The following ADRA1B variants were observed in gnomAD, a reference collection of about 807,000 sequenced individuals.
ADRA1B encodes alpha-1B adrenergic receptor.
In ADRA1B, 17 loss-of-function variants were observed where a neutral mutation model predicts 17.9. The observed-to-expected ratio is 0.95, with a 90% confidence interval of 0.65 to 1.42. ADRA1B has a LOEUF of 1.42. Ranked by LOEUF, ADRA1B falls within the 40% of genes most tolerant of loss-of-function variation. The pLI, the probability that ADRA1B is intolerant of heterozygous loss-of-function variation, is 0.00. For missense variants in ADRA1B, 681 were observed against 722.1 expected (o/e 0.94, Z 0.65); for synonymous variants, 366 against 327.6 (o/e 1.12, Z -1.27).
chr5:159,976,807 T>C (rs1360712229), downstream of ADRA1B, among the ~76,000 whole-genome samples: 1 of 152,100 alleles, frequency 6.6e-6, no homozygotes, highest in Non-Finnish European at 1.5e-5. Context: ...TGTGTTAGGA[T>C]TAGCACATCC....
upstream of ADRA1B, among the ~76,000 whole-genome samples, chr5:159,914,067 C>T (rs765674343): frequency 1.2e-4 from 19 of 152,170 alleles, no homozygotes; most frequent in Non-Finnish European, 2.1e-4. Flanking sequence ...CTCACCCCTA[C>T]CCTGGAAGAT....
chr5:159,865,701 G>A lies in ADRA1B; in HGVS notation c.-256+495G>A, dbSNP rs576475013. Among the ~76,000 whole-genome samples, 9 of 152,232 alleles carry A rather than the reference G, an allele frequency of 5.9e-5. No individual in the cohort carries two copies. In the South Asian group the frequency reaches 1.9e-3, roughly 32 times the overall value. On this transcript the variant is annotated intron_variant, in intron 1 of 2. Transcript: ENST00000641205. ...GAAGAAATCCAGAAAGCCCCATTTTGTTCAAAAAATCCCTTTTACGACATG... is the reference window on the plus strand; with the variant it reads ...GAAGAAATCCAGAAAGCCCCATTTTATTCAAAAAATCCCTTTTACGACATG...
rs773214077 is a variant in ADRA1B, at chr5:159,937,638, C to CG, written c.949+19788dup. On this transcript the variant is annotated intron_variant, in intron 1 of 1. Transcript: ENST00000306675. The stretch of plus-strand genomic sequence containing the variant: ...CTAATTTTTTGCATTTTAGTAGAGA[C>CG]GGGGTCTCACCGTGTTGGCCAAGCT... The CG allele has an allele frequency of 3.9e-4, 60 of 152,154 alleles. 2 individuals are homozygous for CG. The highest frequency in any genetic ancestry group is 1.3e-3 in the African/African-American group (52 of 41,504). The allele number at this position is 152,154 out of a possible 1,614,324, so 9.4% of individuals were successfully genotyped here.
intron 1 of ADRA1B, among the ~76,000 whole-genome samples, chr5:159,890,705 C>A (rs1421076896): frequency 6.6e-6 from 1 of 152,214 alleles, no homozygotes; most frequent in Non-Finnish European, 1.5e-5. Context: ...CAGACAGAAG[C>A]TGTATTGCCT....
intron 1 of ADRA1B, among the ~76,000 whole-genome samples, chr5:159,949,996 A>G (rs760494834): frequency 1.1e-4 from 17 of 152,276 alleles, no homozygotes; most frequent in South Asian, 2.1e-4. Flanking sequence ...CAGGGAAGAG[A>G]GAGTGAGGTC....
At chr5:159,964,513 A>G (rs527363744) in intron 1 of ADRA1B, among the ~76,000 whole-genome samples, 7 of 152,364 alleles carry the variant, frequency 4.6e-5, no homozygotes, top group African/African-American at 1.7e-4. Flanking sequence ...AAACTAATTG[A>G]CGCAAAGAAA....
At chr5:159,939,320 TGTGCGC>T (rs1465305719) in intron 1 of ADRA1B, among the ~76,000 whole-genome samples, 2 of 108,184 alleles carry the variant, frequency 1.8e-5, no homozygotes, top group Non-Finnish European at 4.0e-5. Context: ...TGTGTGTGTG[TGTGCGC>T]GCGCGCGCGC....
downstream of ADRA1B, among the ~76,000 whole-genome samples, chr5:159,976,189 G>A (rs550861910): frequency 1.3e-5 from 2 of 152,330 alleles, no homozygotes; most frequent in East Asian, 3.9e-4. Flanking sequence ...AGCATCCCAT[G>A]AACAGTAGCT....
intron 1 of ADRA1B, among the ~76,000 whole-genome samples, chr5:159,922,676 C>T (rs575231687): frequency 1.3e-5 from 2 of 151,946 alleles, no homozygotes; most frequent in African/African-American, 4.8e-5. Context: ...GTCAGCCACC[C>T]CAACCAAAAG....
intron 1 of ADRA1B, among the ~76,000 whole-genome samples, chr5:159,907,051 G>A (rs921093459): frequency 6.6e-6 from 1 of 152,066 alleles, no homozygotes; most frequent in Non-Finnish European, 1.5e-5. Flanking sequence ...TATAGCCTTC[G>A]AGCCTCTTTG....
chr5:159,900,306 T>C (rs759513255), intron 1 of ADRA1B, among the ~76,000 whole-genome samples: 11 of 152,230 alleles, frequency 7.2e-5, no homozygotes, highest in Non-Finnish European at 1.6e-4. Context: ...ATTAAATTAA[T>C]AGGTTAAATT....
In ADRA1B at chr5:159,945,101, C is replaced by T. The variant is rs115426945; in HGVS notation, c.950-26778C>T. Among the ~76,000 whole-genome samples, 1,472 of 152,194 alleles carry T rather than the reference C, an allele frequency of 9.7e-3. 13 individuals carry two copies. Among genetic ancestry groups the T allele is most frequent in the Non-Finnish European group, 0.015 (1,040 of 68,002 alleles). On this transcript the variant is annotated intron_variant, in intron 1 of 1. Coordinates refer to ENST00000306675, the MANE Select transcript of ADRA1B (RefSeq NM_000679.4). ...AATTAATTTTAAGAAAAAAGAGGGC[C>T]GGGTGCGGTGGCTCACGCCTATAAT...
chr5:159,899,287 G>A (rs57337121), intron 1 of ADRA1B, among the ~76,000 whole-genome samples: 342 of 76,420 alleles, frequency 4.5e-3, no homozygotes, highest in Middle Eastern at 7.7e-3. Flanking sequence ...AGGAAGGAAG[G>A]AAGGAAGGAA....
intron 1 of ADRA1B, among the ~76,000 whole-genome samples, chr5:159,878,071 C>T (rs1753820549): frequency 6.6e-6 from 1 of 152,176 alleles, no homozygotes. Context: ...TGTCAGGACT[C>T]CAGGGCTGAA....
At chr5:159,938,844 A>G (rs1446075255) in intron 1 of ADRA1B, among the ~76,000 whole-genome samples, 1 of 152,248 alleles carries the variant, frequency 6.6e-6, no homozygotes, top group African/African-American at 2.4e-5. Context: ...GTCCTCAGCG[A>G]TGCCTAGAAA....
Position 159,965,919 on chromosome 5 carries a change from G to A in ADRA1B, c.950-5960G>A, listed in dbSNP as rs116272065. Reference sequence around the variant, plus strand: ...GCTCACTGCAACTTCCACCTCCTGGGTTCAAGCGAGCATTTTGGCTAATTT... The same window carrying A: ...GCTCACTGCAACTTCCACCTCCTGGATTCAAGCGAGCATTTTGGCTAATTT... On this transcript the variant is annotated intron_variant, in intron 1 of 1. Coordinates refer to ENST00000306675, the MANE Select transcript of ADRA1B (RefSeq NM_000679.4). 8.9e-3 allele frequency among the ~76,000 whole-genome samples: 1,360 copies of A among 152,242 alleles called. 28 individuals carry two copies. The highest frequency in any genetic ancestry group is 0.029 in the African/African-American group (1,214 of 41,506).
At chr5:159,907,935 T>G (rs558260774) in intron 1 of ADRA1B, among the ~76,000 whole-genome samples, 828 of 18,288 alleles carry the variant, frequency 0.045, 8 homozygotes, top group African/African-American at 0.25. Context: ...AGCTGTTTGT[T>G]CTCTCTCTCT....
chr5:159,902,888 C>T (rs1027811706), intron 1 of ADRA1B, among the ~76,000 whole-genome samples: 6 of 152,326 alleles, frequency 3.9e-5, no homozygotes, highest in African/African-American at 1.2e-4. Context: ...TTCCTTCCTC[C>T]TATGCCTCTG....
intron 1 of ADRA1B, among the ~76,000 whole-genome samples, chr5:159,966,504 C>T (rs1050820435): frequency 2.6e-5 from 4 of 152,172 alleles, no homozygotes; most frequent in Non-Finnish European, 5.9e-5. Context: ...AAAGGGGACT[C>T]CCTGTCAGAA....
Sources: gnomAD v4.1 joint callset for allele counts (sites outside exome capture counted in the v4.1 genomes callset) on GRCh38, gnomAD v4.1.1 for gene constraint, MANE v1.5 for transcripts, NCBI Gene and HGNC (gene_info 2026-07-23, HGNC 2026-07-21) for gene names.